Variants in MAP2K2 observed in about 807,000 individuals in gnomAD.
MAP2K2 encodes the protein dual specificity mitogen-activated protein kinase kinase 2.
In MAP2K2, 24 loss-of-function variants were observed where a neutral mutation model predicts 43.7. The observed-to-expected ratio is 0.55, with a 90% CI of 0.40 to 0.77. The LOEUF (loss-of-function observed/expected upper bound fraction) is 0.77, where lower values mean the gene tolerates loss of function less well. MAP2K2 is among the 30% of genes least tolerant of loss of function. MAP2K2 has a pLI of 0.00. For missense variants in MAP2K2, 470 were observed against 566.8 expected (o/e 0.83, Z 1.73); for synonymous variants, 244 against 239.7 (o/e 1.02, Z -0.17).
intron 1 of MAP2K2, among the ~76,000 whole-genome samples, chr19:4,117,921 C>G (rs2041246293): frequency 6.6e-6 from 1 of 152,094 alleles, no homozygotes; most frequent in Admixed American, 6.6e-5. Context: ...ACCCAGGAAG[C>G]CTCCGTCTTT....
chr19:4,101,162 G>T lies in MAP2K2; in HGVS notation c.581-19C>A. ...TTCACATCTGGAGGCGGCAGGCTGC[G>T]GGTGAGGGGCGCCCAACAGTTGCCT... On this transcript the variant is annotated intron_variant, in intron 5 of 10. Transcript: ENST00000262948. The surrounding 1 kb of genome is among the most constrained non-coding windows in gnomAD (Gnocchi z 6.3). 1.9e-6 allele frequency: 3 copies of T among 1,605,274 alleles called. No homozygotes were observed. Among genetic ancestry groups the T allele is most frequent in the Non-Finnish European group, 1.7e-6 (2 of 1,176,282 alleles).
chr19:4,096,168 GGCAGGGGCAGGCCTTTCCCGC>G (rs945806102), intron 8 of MAP2K2, among the ~76,000 whole-genome samples: 1 of 152,228 alleles, frequency 6.6e-6, no homozygotes, highest in African/African-American at 2.4e-5. Context: ...GTGCCAGCAG[GGCAGGGGCAGGCCTTTCCCGC>G]GCAGGGGCAG....
chr19:4,102,577 A>G, intron 3 of MAP2K2, 124 bp from the exon 4 acceptor site: 1 of 931,046 alleles, frequency 1.1e-6, no homozygotes, highest in Non-Finnish European at 1.7e-6. Context: ...CCGGAGCCCA[A>G]CTCCACCCAC....
intron 2 of MAP2K2, among the ~76,000 whole-genome samples, chr19:4,111,948 T>C (rs1454783689): frequency 2.0e-5 from 3 of 151,608 alleles, no homozygotes; most frequent in African/African-American, 7.3e-5. Context: ...AGCGAGACTT[T>C]GTCTCAAAAA....
At chr19:4,099,799 T>G in intron 6 of MAP2K2, 2 of 306,718 alleles carry the variant, frequency 6.5e-6, no homozygotes, top group Non-Finnish European at 1.2e-5. Context: ...AGACCCCAGA[T>G]TCCAATTCCT....
intron 10 of MAP2K2, among the ~76,000 whole-genome samples, chr19:4,091,944 C>T (rs985107696): frequency 2.1e-4 from 32 of 152,288 alleles, no homozygotes; most frequent in Non-Finnish European, 1.5e-4. Context: ...CCACTGTGCC[C>T]GGCCCCACTG....
chr19:4,114,955 T>C (rs773690139), intron 2 of MAP2K2, among the ~76,000 whole-genome samples: 2 of 151,808 alleles, frequency 1.3e-5, no homozygotes, highest in Non-Finnish European at 2.9e-5. Context: ...TAAAAATAAG[T>C]AAATAAATAA....
intron 7 of MAP2K2, among the ~76,000 whole-genome samples, chr19:4,098,216 C>T (rs2040948770): frequency 6.6e-6 from 1 of 152,160 alleles, no homozygotes; most frequent in Non-Finnish European, 1.5e-5. Context: ...GAAGGCCACA[C>T]AAGTGTGTGA....
At chr19:4,097,385 A>AC (rs2040935383) in intron 7 of MAP2K2, 42 bp from the exon 8 acceptor site, 1 of 1,496,604 alleles carries the variant, frequency 6.7e-7, no homozygotes, top group African/African-American at 1.4e-5. Flanking sequence ...GCCGATGGCC[A>AC]CCTCACTTCT....
chr19:4,108,077 A>G lies in MAP2K2; in HGVS notation c.450+2432T>C, dbSNP rs570486893. ...TGGGCAGGCCCTTCCATGGAAACCT[A>G]TGGGCACTCAGGTGAATTCCGAGAG... On this transcript the variant is annotated intron_variant, in intron 3 of 10. Transcript: ENST00000262948. Among the ~76,000 whole-genome samples, 6 of 152,276 alleles carry G rather than the reference A, an allele frequency of 3.9e-5. No individual in the cohort carries two copies. The South Asian group carries it at 1.2e-3, about 32-fold the overall frequency.
chr19:4,095,244 C>T, intron 9 of MAP2K2, 144 bp downstream of exon 9: 1 of 694,252 alleles, frequency 1.4e-6, no homozygotes, highest in Non-Finnish European at 2.5e-6. Context: ...GAAAAGGAAT[C>T]TGGCTTCCCG....
chr19:4,090,949 C>T (rs1214572224), intron 10 of MAP2K2, among the ~76,000 whole-genome samples: 3 of 152,244 alleles, frequency 2.0e-5, no homozygotes, highest in African/African-American at 7.2e-5. Flanking sequence ...GGGGCGGGGA[C>T]ACCACCAGCA....
At chr19:4,096,371 C>T (rs1233886535) in intron 8 of MAP2K2, among the ~76,000 whole-genome samples, 1 of 152,218 alleles carries the variant, frequency 6.6e-6, no homozygotes, top group Non-Finnish European at 1.5e-5. Context: ...GCCCGTTTCT[C>T]TGCCCCAGCT....
chr19:4,117,750 G>T (rs2041243399), intron 1 of MAP2K2, 121 bp from the exon 2 acceptor site: 10 of 860,422 alleles, frequency 1.2e-5, no homozygotes, highest in Non-Finnish European at 1.9e-5. Context: ...CACTTGAGGG[G>T]TTCATGGTGT....
intron 3 of MAP2K2, among the ~76,000 whole-genome samples, chr19:4,103,922 T>C (rs2041050932): frequency 1.3e-5 from 2 of 152,106 alleles, no homozygotes; most frequent in South Asian, 4.2e-4. Context: ...GGAAGCTGCT[T>C]CTATTCTCAG....
intron 2 of MAP2K2, among the ~76,000 whole-genome samples, chr19:4,112,651 G>GCTGCCTGCCC (rs1005002659): frequency 6.6e-6 from 1 of 151,706 alleles, no homozygotes; most frequent in Non-Finnish European, 1.5e-5. Flanking sequence ...CAGCCCTGGC[G>GCTGCCTGCCC]CTGCCTGCCC....
At chr19:4,117,876 C>T (rs942867032) in intron 1 of MAP2K2, among the ~76,000 whole-genome samples, 31 of 152,178 alleles carry the variant, frequency 2.0e-4, no homozygotes, top group Non-Finnish European at 8.8e-5. Context: ...GTCTAGCAGA[C>T]CTCAGGACCT....
rs1042959162 is a variant in MAP2K2 at position 4,115,140 on chromosome 19, G to A, written c.303+2279C>T. ...AAAAATAGTAACGAGAGTCCCGTGC[G>A]CCCTTTCCCCGCCTCCCCCAAGATG... is the stretch of plus-strand genomic sequence containing the variant. On this transcript the variant is annotated intron_variant, in intron 2 of 10. Coordinates refer to ENST00000262948, the MANE Select transcript of MAP2K2 (RefSeq NM_030662.4). The surrounding 1 kb of genome is among the most constrained non-coding windows in gnomAD (Gnocchi z 4.1). Among the ~76,000 whole-genome samples the A allele has an allele frequency of 3.3e-5, 5 of 152,112 alleles. No individual in the cohort carries two copies. The highest frequency in any genetic ancestry group is 3.9e-4 in the East Asian group (2 of 5,170).
At chr19:4,099,731 CAG>C in intron 6 of MAP2K2, 1 of 412,000 alleles carries the variant, frequency 2.4e-6, no homozygotes, top group Non-Finnish European at 4.4e-6. Flanking sequence ...GCTAACATCT[CAG>C]AGGCTGCTCC....
Sources: allele counts gnomAD v4.1 joint callset (sites outside exome capture counted in the v4.1 genomes callset), GRCh38; gene constraint gnomAD v4.1.1; non-coding constraint Gnocchi (gnomAD v3.1); transcripts MANE v1.5; gene names NCBI Gene and HGNC (gene_info 2026-07-23, HGNC 2026-07-21).